Variants in IRAG2 observed in about 807,000 individuals in gnomAD.
IRAG2 encodes the protein lymphoid restricted membrane protein.
A neutral mutation model predicts 69.9 loss-of-function variants in IRAG2; 45 were observed. The ratio of observed to expected loss-of-function variants is 0.64; its 90% CI spans 0.51 to 0.83. The LOEUF is 0.83. IRAG2 is among the 40% of genes least tolerant of loss of function. IRAG2 has a pLI of 0.00. For synonymous variants in IRAG2, 193 were observed against 202.4 expected, an observed-to-expected ratio of 0.95 and a Z score of 0.40; for missense variants, 520 against 587.0, an observed-to-expected ratio of 0.89 and a Z score of 1.18.
At chr12:25,060,861 T>G (rs1288235994) in intron 1 of IRAG2, among the ~76,000 whole-genome samples, 1 of 151,346 alleles carries the variant, frequency 6.6e-6, no homozygotes, top group Non-Finnish European at 1.5e-5. Context: ...AGAGATGGGG[T>G]TTTGTCCTGT....
At chr12:25,107,786 T>C (rs747002129) in intron 21 of IRAG2, 31 bp from the exon 22 acceptor site, 8 of 1,595,626 alleles carry the variant, frequency 5.0e-6, no homozygotes, top group Non-Finnish European at 6.9e-6. Flanking sequence ...AAATTACCGA[T>C]TACCAAATTC....
chr12:25,008,303 T>A (rs1944448211), intron 2 of IRAG2, among the ~76,000 whole-genome samples: 1 of 152,136 alleles, frequency 6.6e-6, no homozygotes, highest in Non-Finnish European at 1.5e-5. Context: ...CTACCAGTTT[T>A]GAAAATACTA....
At chr12:25,096,181 T>C (rs1302120821) in intron 14 of IRAG2, among the ~76,000 whole-genome samples, 1 of 152,234 alleles carries the variant, frequency 6.6e-6, no homozygotes, top group Admixed American at 6.5e-5. Flanking sequence ...TCTAAAATTA[T>C]GATGCAATTT....
rs751599968 is a variant in IRAG2, at chr12:25,079,410, A to C, written c.84A>C (p.Ser28=). The change falls in exon 8 of 22, where the codon TCA becomes TCC. Residue 28 remains serine (S), a synonymous_variant. Transcript: ENST00000556887. The part of the protein sequence containing the change: ...ESLLQSREYS[S]LPLPRHTSST... The stretch of plus-strand genomic sequence containing the variant: ...ATCTTTTTGGCAGGGAATATTCCTC[A>C]CTACCATTACCCAGACACACTTCAT... The C allele has an allele frequency of 5.8e-5, 94 of 1,613,566 alleles. No homozygotes were observed. The highest frequency in any genetic ancestry group is 7.7e-5 in the Non-Finnish European group (91 of 1,179,600).
intron 1 of IRAG2, among the ~76,000 whole-genome samples, chr12:25,058,666 T>C (rs1945420970): frequency 6.6e-6 from 1 of 152,190 alleles, no homozygotes; most frequent in Admixed American, 6.5e-5. Flanking sequence ...CAACAGGCAA[T>C]TAATTGTGGG....
chr12:25,037,984 A>G (rs1944715100), exon 16 of IRAG2: 1 of 398,880 alleles, frequency 2.5e-6, no homozygotes, highest in Non-Finnish European at 4.4e-6. Context: ...GAATTCAACA[A>G]TATCATGGAA....
chr12:25,013,866 C>CTTTTTTTTTTTTTTT lies in IRAG2; in HGVS notation c.897-1304_897-1290dup, dbSNP rs71063386. On this transcript the variant is annotated intron_variant, in intron 3 of 38. Coordinates refer to the IRAG2 transcript ENST00000636465. ...GGTTTTAATTTTTTGTTTTCTTTTTCTTTTTTTTTTTTTTTTTTTTTTTTT... is the reference window on the plus strand; with the variant it reads ...GGTTTTAATTTTTTGTTTTCTTTTTCTTTTTTTTTTTTTTTTTTTTTTTTTTTTTTTTTTTTTTTT... Among the ~76,000 whole-genome samples, 8 of 79,530 alleles carry CTTTTTTTTTTTTTTT rather than the reference C, an allele frequency of 1.0e-4. 2 individuals are homozygous for CTTTTTTTTTTTTTTT. The highest frequency in any genetic ancestry group is 1.8e-4 in the Non-Finnish European group (8 of 44,494). 52.2% of individuals were successfully genotyped at this position (79,530 alleles called of 152,430 possible). A position where few individuals can be genotyped will look rare whatever the true frequency, so the allele number is the denominator to read the frequency against.
intron 2 of IRAG2, among the ~76,000 whole-genome samples, chr12:25,006,095 A>G (rs1281039451): frequency 6.6e-6 from 1 of 152,266 alleles, no homozygotes; most frequent in Non-Finnish European, 1.5e-5. Flanking sequence ...TCAAAAGAAG[A>G]CATACATGCA....
intron 2 of IRAG2, among the ~76,000 whole-genome samples, chr12:25,010,444 C>A (rs75468953): frequency 6.7e-6 from 1 of 149,906 alleles, no homozygotes. Context: ...TCCAGCTGAG[C>A]AACATAGCAA....
At chr12:24,999,954 G>T (rs1944379548), upstream of IRAG2, among the ~76,000 whole-genome samples, 1 of 152,138 alleles carries the variant, frequency 6.6e-6, no homozygotes, top group Non-Finnish European at 1.5e-5. Context: ...GTTTATCTGA[G>T]ATTAAAATTT....
intron 5 of IRAG2, among the ~76,000 whole-genome samples, chr12:25,066,909 C>T (rs1297991536): frequency 2.0e-5 from 3 of 152,098 alleles, no homozygotes; most frequent in Non-Finnish European, 4.4e-5. Context: ...CTCGGCCTCC[C>T]AAAGTGCTGG....
At chr12:25,098,057 G>A (rs1285973526) in intron 15 of IRAG2, among the ~76,000 whole-genome samples, 1 of 152,078 alleles carries the variant, frequency 6.6e-6, no homozygotes, top group African/African-American at 2.4e-5. Context: ...CTGCTTTCCT[G>A]GCCAAGCTTA....
At chr12:25,084,062 T>C (rs1457219403) in intron 10 of IRAG2, among the ~76,000 whole-genome samples, 1 of 152,176 alleles carries the variant, frequency 6.6e-6, no homozygotes, top group Non-Finnish European at 1.5e-5. Context: ...TGGAAATGAT[T>C]AGAGAAAAGA....
At chr12:25,040,979 CAG>C (rs774349938) in intron 16 of IRAG2, among the ~76,000 whole-genome samples, 1 of 152,010 alleles carries the variant, frequency 6.6e-6, no homozygotes, top group African/African-American at 2.4e-5. Flanking sequence ...GATAAGAAGA[CAG>C]AGAATGACTG....
rs758245637 is a variant in IRAG2, at chr12:25,103,853, G to A, written c.950G>A (p.Arg317Lys). The A allele has an allele frequency of 6.2e-7, 1 of 1,612,886 alleles. No homozygotes were observed. The highest frequency in any genetic ancestry group is 1.7e-5 in the Admixed American group (1 of 60,020). Residue 317 changes from arginine to lysine, a missense_variant, in exon 18 of 22, where the codon AGA (arginine) becomes AAA (lysine). Physicochemically the swap from Arg to Lys is conservative, Grantham distance 26. Transcript: ENST00000556887. ...TTCTGGTAGCCATCTTCTCTACGAA[G>A]AGTGACTATTGCCTCTTTACCCAGA... ...SLNSKPSSLRRVTIASLPRNI... is the reference protein window; with the variant it reads ...SLNSKPSSLRKVTIASLPRNI...
At chr12:25,049,710 GAT>G, upstream of IRAG2, among the ~76,000 whole-genome samples, 1 of 152,168 alleles carries the variant, frequency 6.6e-6, no homozygotes, top group African/African-American at 2.4e-5. Context: ...AAGACGGCCG[GAT>G]GCGGTGGCTC....
In IRAG2 at chr12:25,103,883, T is replaced by C. The variant is rs61751737; in HGVS notation, c.980T>C (p.Ile327Thr). 8 of 1,613,334 alleles carry C rather than the reference T, an allele frequency of 5.0e-6. No individual in the cohort carries two copies. The African/African-American group carries it at 5.3e-5, about 11-fold the overall frequency. The change falls in exon 18 of 22, where the codon ATT (isoleucine) becomes ACT (threonine). Residue 327 changes from isoleucine (I) to threonine (T), a missense_variant. Transcript: ENST00000556887. ...ACTATTGCCTCTTTACCCAGAAATA[T>C]TGGAAATGCAGGAATGGTAAGACAA... Reference protein sequence around the residue: ...RVTIASLPRNIGNAGMVAGME... With the variant: ...RVTIASLPRNTGNAGMVAGME...
chr12:25,029,198 A>G (rs1944649591), intron 9 of IRAG2, among the ~76,000 whole-genome samples: 1 of 152,114 alleles, frequency 6.6e-6, no homozygotes, highest in Non-Finnish European at 1.5e-5. Context: ...CTCCTAAAGC[A>G]TGGGATTACA....
chr12:25,045,101 A>G (rs1944782509), intron 16 of IRAG2, among the ~76,000 whole-genome samples: 1 of 152,172 alleles, frequency 6.6e-6, no homozygotes, highest in African/African-American at 2.4e-5. Flanking sequence ...TGTATAGCAG[A>G]AGGAAAACGG....
Sources: allele counts gnomAD v4.1 joint callset (sites outside exome capture counted in the v4.1 genomes callset), GRCh38; gene constraint gnomAD v4.1.1; transcripts MANE v1.5; gene names NCBI Gene and HGNC (gene_info 2026-07-23, HGNC 2026-07-21).